ATF6: variants seen among roughly 807,000 people sequenced by gnomAD.
ATF6 encodes the protein activating transcription factor 6.
In ATF6, 53 loss-of-function variants were observed where a neutral mutation model predicts 83.6. That is an observed-to-expected ratio of 0.63 (90% confidence interval 0.51 to 0.80). ATF6 has a LOEUF of 0.80. Ranked by LOEUF, ATF6 falls within the 30% of genes least tolerant of loss-of-function variation. ATF6 has a pLI of 0.00. For missense variants in ATF6, 744 were observed against 797.9 expected (o/e 0.93, Z 0.81); for synonymous variants, 288 against 285.8 (o/e 1.01, Z -0.08).
At chr1:161,942,849 T>TTTTG (rs146891452) in intron 15 of ATF6, among the ~76,000 whole-genome samples, 258 of 151,724 alleles carry the variant, frequency 1.7e-3, no homozygotes, top group African/African-American at 5.9e-3. Context: ...CCTCATCTTT[T>TTTTG]TTTGTTTGTT....
intron 1 of ATF6, among the ~76,000 whole-genome samples, chr1:161,776,224 C>T (rs1684512322): frequency 6.6e-6 from 1 of 152,188 alleles, no homozygotes; most frequent in Non-Finnish European, 1.5e-5. Flanking sequence ...AGTCACCTAA[C>T]ATATTTGTTC....
Position 161,958,784 on chromosome 1 carries a change from A to G in ATF6, c.*130A>G, listed in dbSNP as rs1689022139. ...CGTACTAGAATTCAAGGAGGAAAGAAGAAGAAATAAAAGAAGCTGCTCCAT... is the reference window on the plus strand; with the variant it reads ...CGTACTAGAATTCAAGGAGGAAAGAGGAAGAAATAAAAGAAGCTGCTCCAT... On this transcript the variant is annotated 3_prime_UTR_variant, in exon 16 of 16. Transcript: ENST00000367942. The G allele has an allele frequency of 2.7e-6, 2 of 738,616 alleles. No homozygotes were observed. Among genetic ancestry groups the G allele is most frequent in the African/African-American group, 1.8e-5 (1 of 56,764 alleles). The allele number at this position is 738,616 out of a possible 1,614,324, so 45.8% of individuals were successfully genotyped here. A position where few individuals can be genotyped will look rare whatever the true frequency, so the allele number is the denominator to read the frequency against.
chr1:161,887,369 T>C (rs1687447743), intron 14 of ATF6, among the ~76,000 whole-genome samples: 1 of 152,096 alleles, frequency 6.6e-6, no homozygotes, highest in Non-Finnish European at 1.5e-5. Flanking sequence ...CTTGAGCCAC[T>C]GCACTCGGCC....
At chr1:161,792,433 TTGTC>T in intron 6 of ATF6, 106 bp downstream of exon 6, 1 of 1,097,272 alleles carries the variant, frequency 9.1e-7, no homozygotes, top group Non-Finnish European at 1.3e-6. Context: ...CACGTGCTGT[TTGTC>T]AGGAATGTCT....
intron 9 of ATF6, among the ~76,000 whole-genome samples, chr1:161,831,185 C>T (rs886738615): frequency 3.3e-5 from 5 of 152,158 alleles, no homozygotes; most frequent in African/African-American, 1.2e-4. Context: ...CCAAAAGACA[C>T]ATGAAAAAAT....
At chr1:161,799,083 C>T (rs1007765512) in intron 6 of ATF6, among the ~76,000 whole-genome samples, 2 of 152,188 alleles carry the variant, frequency 1.3e-5, no homozygotes, top group Non-Finnish European at 2.9e-5. Context: ...ACCCAGCAGT[C>T]CCATTACTGG....
At chr1:161,875,265 G>T (rs1005461756) in intron 14 of ATF6, among the ~76,000 whole-genome samples, 21 of 151,724 alleles carry the variant, frequency 1.4e-4, no homozygotes, top group African/African-American at 5.1e-4. Context: ...GCAACAAGAG[G>T]TAGTTTCTTA....
At chr1:161,805,458 G>A (rs1395937881) in intron 7 of ATF6, among the ~76,000 whole-genome samples, 4 of 152,090 alleles carry the variant, frequency 2.6e-5, no homozygotes, top group South Asian at 2.1e-4. Flanking sequence ...CCAGCACATC[G>A]AGACGTGAGC....
At chr1:161,771,256 C>G (rs1398178999) in intron 1 of ATF6, among the ~76,000 whole-genome samples, 22 of 151,994 alleles carry the variant, frequency 1.4e-4, no homozygotes, top group Admixed American at 1.3e-3. Flanking sequence ...CTTTATTCTT[C>G]TGTCAGCTGT....
intron 7 of ATF6, among the ~76,000 whole-genome samples, chr1:161,819,407 A>C (rs942565912): frequency 6.6e-6 from 1 of 152,240 alleles, no homozygotes; most frequent in African/African-American, 2.4e-5. Flanking sequence ...CTTAGAAAAC[A>C]TAAGAAGAAA....
In ATF6 at chr1:161,809,867, C is replaced by T. The variant is rs563015309; in HGVS notation, c.909+7595C>T. On this transcript the variant is annotated intron_variant, in intron 7 of 15. Transcript: ENST00000367942. The stretch of plus-strand genomic sequence containing the variant: ...TTGAGAAGTGTCTGTTCATATCTTT[C>T]GCCCACTTTTTGATGGGGTTGTTTT... Among the ~76,000 whole-genome samples, 380 of 152,150 alleles carry T rather than the reference C, an allele frequency of 2.5e-3. 3 individuals are homozygous for T. The highest frequency in any genetic ancestry group is 8.5e-3 in the African/African-American group (351 of 41,514).
intron 1 of ATF6, among the ~76,000 whole-genome samples, chr1:161,776,837 T>G (rs1684525714): frequency 6.6e-6 from 1 of 152,160 alleles, no homozygotes; most frequent in Non-Finnish European, 1.5e-5. Flanking sequence ...GGTATATAGA[T>G]TTTATTTAAA....
At chr1:161,940,992 T>C (rs10918243) in intron 15 of ATF6, among the ~76,000 whole-genome samples, 39,591 of 152,156 alleles carry the variant, frequency 0.26, 6,071 homozygotes, top group Non-Finnish European at 0.35. Context: ...GCTGCCTCTT[T>C]TCCTAGATGC....
chr1:161,770,627 A>G (rs1397799897), intron 1 of ATF6, among the ~76,000 whole-genome samples: 2 of 152,196 alleles, frequency 1.3e-5, no homozygotes, highest in South Asian at 2.1e-4. Context: ...TAAAGACTGT[A>G]TCTCTCGATA....
chr1:161,808,344 T>A (rs763060111), intron 7 of ATF6, among the ~76,000 whole-genome samples: 90 of 152,212 alleles, frequency 5.9e-4, no homozygotes, highest in Admixed American at 2.4e-3. Context: ...GAGACTTTCT[T>A]GCAAATCAGT....
At chr1:161,770,862 T>C (rs1011469370) in intron 1 of ATF6, among the ~76,000 whole-genome samples, 5 of 152,182 alleles carry the variant, frequency 3.3e-5, no homozygotes, top group Non-Finnish European at 5.9e-5. Context: ...AATTGCTGGA[T>C]TGTGTGGTAA....
intron 9 of ATF6, among the ~76,000 whole-genome samples, chr1:161,826,662 A>T (rs970712806): frequency 2.0e-5 from 3 of 152,210 alleles, no homozygotes; most frequent in African/African-American, 7.2e-5. Flanking sequence ...ATCAAGGAGA[A>T]AAGCTGGAAG....
At chr1:161,796,950 T>C (rs1167018919) in intron 6 of ATF6, among the ~76,000 whole-genome samples, 1 of 151,980 alleles carries the variant, frequency 6.6e-6, no homozygotes, top group Non-Finnish European at 1.5e-5. Flanking sequence ...ATGATAAATA[T>C]ATATTTTCAT....
rs529487419 is a variant in ATF6 at position 161,768,887 on chromosome 1, G to A, written c.82+2445G>A. On this transcript the variant is annotated intron_variant, in intron 1 of 15. Transcript: ENST00000367942. ...TAGCCTTGATTTTTTTTTAATATTAGACACTATCTAGTTAAAATTTAAAAA... is the reference window on the plus strand; with the variant it reads ...TAGCCTTGATTTTTTTTTAATATTAAACACTATCTAGTTAAAATTTAAAAA... Among the ~76,000 whole-genome samples the A allele has an allele frequency of 3.3e-5, 5 of 152,122 alleles. No homozygotes were observed. The South Asian group carries it at 1.0e-3, about 32-fold the overall frequency.
Sources: allele counts gnomAD v4.1 joint callset (sites outside exome capture counted in the v4.1 genomes callset), GRCh38; gene constraint gnomAD v4.1.1; transcripts MANE v1.5; gene names NCBI Gene and HGNC (gene_info 2026-07-23, HGNC 2026-07-21).